Variants in ZNF343 observed in about 807,000 individuals in gnomAD.
The protein encoded by ZNF343 is zinc finger protein 343.
A neutral mutation model predicts 13.8 loss-of-function variants in ZNF343; 11 were observed. The ratio of observed to expected loss-of-function variants is 0.80; its 90% CI spans 0.50 to 1.32. The LOEUF (loss-of-function observed/expected upper bound fraction) is 1.32, where lower values mean the gene tolerates loss of function less well. ZNF343 is among the 40% of genes most tolerant of loss of function. The pLI is 0.00. For synonymous variants in ZNF343, 248 were observed against 260.0 expected, an observed-to-expected ratio of 0.95 and a Z score of 0.44; for missense variants, 658 against 714.2, an observed-to-expected ratio of 0.92 and a Z score of 0.90.
At chr20:2,521,260 A>G (rs189792685) in intron 1 of ZNF343, among the ~76,000 whole-genome samples, 173 of 152,290 alleles carry the variant, frequency 1.1e-3, no homozygotes, top group African/African-American at 4.0e-3. Context: ...TGGTACAAGC[A>G]TTGGGAACTT....
chr20:2,493,990 GA>G lies in ZNF343; in HGVS notation c.-96del, dbSNP rs1274887268. 6 of 864,312 alleles carry G rather than the reference GA, an allele frequency of 6.9e-6. No individual in the cohort carries two copies. Among genetic ancestry groups the G allele is most frequent in the African/African-American group, 1.7e-5 (1 of 59,890 alleles). The allele number at this position is 864,312 out of a possible 1,614,324, so 53.5% of individuals were successfully genotyped here. On this transcript the variant is annotated 5_prime_UTR_variant, in exon 3 of 6. Coordinates refer to ENST00000278772, the MANE Select transcript of ZNF343 (RefSeq NM_024325.6). ...AAGATGGAGTTCTGCTGCCTGTGGT[GA>G]CTTCTTCCAACCTTAATTATAAAAA...
In ZNF343 at chr20:2,482,657, T is replaced by C. The variant is rs1600015192; in HGVS notation, c.*504A>G. The C allele has an allele frequency of 1.2e-5, 2 of 160,366 alleles. No homozygotes were observed. The highest frequency in any genetic ancestry group is 3.7e-4 in the East Asian group (2 of 5,390). 9.9% of individuals were successfully genotyped at this position (160,366 alleles called of 1,614,324 possible). A position where few individuals can be genotyped will look rare whatever the true frequency, so the allele number is the denominator to read the frequency against. On this transcript the variant is annotated 3_prime_UTR_variant, in exon 6 of 6. Coordinates refer to ENST00000278772, the MANE Select transcript of ZNF343 (RefSeq NM_024325.6). Reference sequence around the variant, plus strand: ...AGCTGGGGTGTTACCCCTGAAAAGGTCATCTGGGCAGAGCTCCACAGTGTC... The same window carrying C: ...AGCTGGGGTGTTACCCCTGAAAAGGCCATCTGGGCAGAGCTCCACAGTGTC...
chr20:2,520,994 T>C (rs2085780000), intron 1 of ZNF343, among the ~76,000 whole-genome samples: 1 of 152,064 alleles, frequency 6.6e-6, no homozygotes, highest in Admixed American at 6.5e-5. Context: ...CTTTAATGAG[T>C]GGCATGGATT....
At chr20:2,506,890 A>ACAT (rs2085667285) in intron 1 of ZNF343, among the ~76,000 whole-genome samples, 2 of 152,102 alleles carry the variant, frequency 1.3e-5, no homozygotes, top group Non-Finnish European at 2.9e-5. Context: ...GAACATGTAT[A>ACAT]CATACGTAAC....
At chr20:2,511,527 T>A (rs2085739298), upstream of ZNF343, among the ~76,000 whole-genome samples, 1 of 152,180 alleles carries the variant, frequency 6.6e-6, no homozygotes, top group South Asian at 2.1e-4. Context: ...CCCTCTGTGC[T>A]CCATGTGACT....
At chr20:2,507,687 C>T in intron 1 of ZNF343, among the ~76,000 whole-genome samples, 1 of 152,146 alleles carries the variant, frequency 6.6e-6, no homozygotes, top group Admixed American at 6.5e-5. Context: ...TGACAATTCT[C>T]AAAGTGTATC....
chr20:2,508,748 A>C lies in ZNF343; in HGVS notation c.-237+133T>G, dbSNP rs1010756100. 2 of 152,314 alleles carry C rather than the reference A, an allele frequency of 1.3e-5. No individual in the cohort carries two copies. The highest frequency in any genetic ancestry group is 4.8e-5 in the African/African-American group (2 of 41,442). 9.4% of individuals were successfully genotyped at this position (152,314 alleles called of 1,614,324 possible). On this transcript the variant is annotated intron_variant, in intron 1 of 5. Coordinates refer to ENST00000278772, the MANE Select transcript of ZNF343 (RefSeq NM_024325.6). This position sits in a 1 kb window ranked among gnomAD's most constrained non-coding sequence, Gnocchi z 4.5. ...GCTGCGCCCTCTCCTCCAAAAACCA[A>C]ATATCTCCAACCCGCACTCCCCATT...
intron 2 of ZNF343, among the ~76,000 whole-genome samples, chr20:2,494,955 A>G (rs1013015473): frequency 1.3e-5 from 2 of 152,150 alleles, no homozygotes; most frequent in Non-Finnish European, 2.9e-5. Flanking sequence ...GTGTATCCTG[A>G]TGGGCCCAAG....
intron 1 of ZNF343, among the ~76,000 whole-genome samples, chr20:2,501,664 T>C (rs1166963798): frequency 3.3e-5 from 5 of 152,228 alleles, no homozygotes; most frequent in African/African-American, 1.2e-4. Context: ...CAATATCCAC[T>C]GTTCTGCAGC....
intron 2 of ZNF343, among the ~76,000 whole-genome samples, chr20:2,498,351 C>T (rs1234423628): frequency 6.6e-6 from 1 of 152,142 alleles, no homozygotes; most frequent in African/African-American, 2.4e-5. Flanking sequence ...AGCAAAACTC[C>T]GTCTCCAAAA....
At chr20:2,485,038 T>A (rs1046133782) in intron 5 of ZNF343, among the ~76,000 whole-genome samples, 1 of 152,114 alleles carries the variant, frequency 6.6e-6, no homozygotes, top group Non-Finnish European at 1.5e-5. Context: ...TTTCTTATTA[T>A]ATAAAAAAGG....
intron 5 of ZNF343, among the ~76,000 whole-genome samples, chr20:2,488,791 T>C (rs2085321072): frequency 6.6e-6 from 1 of 152,150 alleles, no homozygotes; most frequent in African/African-American, 2.4e-5. Context: ...ACACCTGTAA[T>C]CCCAGCACTT....
intron 5 of ZNF343, among the ~76,000 whole-genome samples, chr20:2,485,839 A>G (rs1411215174): frequency 6.6e-6 from 1 of 152,176 alleles, no homozygotes; most frequent in Admixed American, 6.5e-5. Context: ...ACTGAGCCGT[A>G]TGTGCTCAAA....
Position 2,484,095 on chromosome 20 carries a change from C to T in ZNF343, c.866G>A (p.Arg289His), listed in dbSNP as rs745831638. Residue 289 changes from arginine to histidine, a missense_variant, in exon 6 of 6, where the codon CGT becomes CAT. Coordinates refer to ENST00000278772, the MANE Select transcript of ZNF343 (RefSeq NM_024325.6). Reference sequence around the variant, plus strand: ...ATAAGGCTTCTCCATCGAGTGTATACGATGGTGTCTGATGAGGGTTGATCT... The same window carrying T: ...ATAAGGCTTCTCCATCGAGTGTATATGATGGTGTCTGATGAGGGTTGATCT... ...KDRSTLIRHH[R>H]IHSMEKPYVC... 8 of 1,614,114 alleles carry T rather than the reference C, an allele frequency of 5.0e-6. No homozygotes were observed. In the East Asian group the frequency reaches 8.9e-5, roughly 18 times the overall value.
chr20:2,521,343 C>G (rs1182522772), intron 1 of ZNF343, among the ~76,000 whole-genome samples: 2 of 152,148 alleles, frequency 1.3e-5, no homozygotes, highest in Non-Finnish European at 2.9e-5. Context: ...CTGGGGTGAA[C>G]AGTGGGGGCT....
upstream of ZNF343, chr20:2,524,623 T>A (rs1225143708): frequency 6.6e-6 from 1 of 152,492 alleles, no homozygotes; most frequent in Non-Finnish European, 1.5e-5. Flanking sequence ...TTCCTCAGAT[T>A]CAGCGCGGGG....
At chr20:2,487,690 T>A (rs1247141995) in intron 5 of ZNF343, among the ~76,000 whole-genome samples, 4 of 152,212 alleles carry the variant, frequency 2.6e-5, no homozygotes, top group Non-Finnish European at 5.9e-5. Flanking sequence ...TTCCTATAGG[T>A]AGGATTGCCA....
chr20:2,518,047 T>G lies in ZNF343; in HGVS notation c.-347+6408A>C, dbSNP rs2085766977. Among the ~76,000 whole-genome samples, 1 of 151,704 alleles carries G rather than the reference T, an allele frequency of 6.6e-6. No homozygotes were observed. Among genetic ancestry groups the G allele is most frequent in the Non-Finnish European group, 1.5e-5 (1 of 67,922 alleles). ...TTTTTTTTTCGAGACAGAGTCTCAC[T>G]CTGTTACCCAGGCTGGAGTGCAGTG... On this transcript the variant is annotated intron_variant, in intron 1 of 6. Transcript: ENST00000358413. This position sits in a 1 kb window ranked among gnomAD's most constrained non-coding sequence, Gnocchi z 4.6.
chr20:2,483,996 T>TC lies in ZNF343; in HGVS notation c.964dup (p.Glu322GlyfsTer14). ...ACACTCCCTGCACAAATAAGGCTTC[T>TC]CTTCTGAATGTGTTCTCTGGTGTCT... On this transcript the variant is annotated frameshift_variant, in exon 6 of 6. Transcript: ENST00000278772. LOFTEE classifies it low-confidence loss of function (END_TRUNC). 6.2e-7 allele frequency: 1 copy of TC among 1,614,218 alleles called. No individual in the cohort carries two copies.
Sources: gnomAD v4.1 joint callset for allele counts (sites outside exome capture counted in the v4.1 genomes callset) on GRCh38, gnomAD v4.1.1 for gene constraint, Gnocchi (gnomAD v3.1) non-coding constraint, MANE v1.5 for transcripts, NCBI Gene and HGNC (gene_info 2026-07-23, HGNC 2026-07-21) for gene names.